The following ADAMTS15 variants were observed in gnomAD, a reference collection of about 807,000 sequenced individuals.
ADAMTS15 encodes the protein A disintegrin and metalloproteinase with thrombospondin motifs 15.
Under a neutral mutation model 79.1 loss-of-function variants are expected in ADAMTS15, and 35 were observed. The ratio of observed to expected loss-of-function variants is 0.44; its 90% confidence interval spans 0.34 to 0.59. The LOEUF is 0.59. Among genes scored for constraint, ADAMTS15 ranks in the 20% least tolerant of loss-of-function variants. The pLI is 0.02. For synonymous variants in ADAMTS15, 616 were observed against 567.3 expected (o/e 1.09, Z -1.22); for missense variants, 1,324 against 1,318.7 (o/e 1.00, Z -0.06).
chr11:130,473,663 C>G lies in ADAMTS15; in HGVS notation c.2695C>G (p.Leu899Val), dbSNP rs375061494. 5.9e-5 allele frequency: 94 copies of G among 1,605,846 alleles called. No homozygotes were observed. The highest frequency in any genetic ancestry group is 7.6e-5 in the Non-Finnish European group (90 of 1,179,902). The change falls in exon 8 of 8, where the codon CTC (leucine) becomes GTC (valine). Residue 899 changes from leucine (L) to valine (V), a missense_variant. Physicochemically the swap from Leu to Val is conservative, Grantham distance 32 (BLOSUM62 1). Transcript: ENST00000299164. ...CGGGGAGCCCTGCCCCACCTGGGAG[C>G]TCAGCGCCTGGTCACCCTGCTCCAA... is the stretch of plus-strand genomic sequence containing the variant. ...ACGEPCPTWE[L>V]SAWSPCSKSC...
At chr11:130,452,164 A>G (rs759392066) in intron 1 of ADAMTS15, among the ~76,000 whole-genome samples, 1 of 152,180 alleles carries the variant, frequency 6.6e-6, no homozygotes, top group African/African-American at 2.4e-5. Flanking sequence ...TGAGAACAGG[A>G]GGGAGTAGCT....
intron 4 of ADAMTS15, among the ~76,000 whole-genome samples, chr11:130,466,163 G>A (rs955891008): frequency 6.6e-6 from 1 of 152,174 alleles, no homozygotes; most frequent in African/African-American, 2.4e-5. Context: ...GTGAGCCACC[G>A]CGCCCGGCCT....
At chr11:130,459,258 G>C (rs1051272547) in intron 1 of ADAMTS15, among the ~76,000 whole-genome samples, 5 of 152,108 alleles carry the variant, frequency 3.3e-5, no homozygotes, top group Non-Finnish European at 7.3e-5. Flanking sequence ...TACTAGGGAG[G>C]CTGAGGCAGG....
At chr11:130,452,104 C>T (rs546993500) in intron 1 of ADAMTS15, among the ~76,000 whole-genome samples, 1 of 151,406 alleles carries the variant, frequency 6.6e-6, no homozygotes, top group Admixed American at 6.6e-5. Flanking sequence ...TTCTGAGAGT[C>T]TCAGGATCTT....
chr11:130,461,446 T>C, intron 1 of ADAMTS15, 43 bp from the exon 2 acceptor site: 1 of 1,613,320 alleles, frequency 6.2e-7, no homozygotes, highest in Non-Finnish European at 8.5e-7. Context: ...TCTGTCACTG[T>C]CTCTAACTTC....
intron 1 of ADAMTS15, chr11:130,450,444 G>T: frequency 1.0e-6 from 1 of 985,374 alleles, no homozygotes; most frequent in Non-Finnish European, 1.2e-6. Context: ...TCTCTGTACT[G>T]GGCCTGGAAA....
At chr11:130,460,990 C>T (rs1288586339) in intron 1 of ADAMTS15, among the ~76,000 whole-genome samples, 1 of 152,198 alleles carries the variant, frequency 6.6e-6, no homozygotes, top group Non-Finnish European at 1.5e-5. Context: ...GGTCCTTGGC[C>T]AGCAGCCCTC....
rs145936737 is a variant in ADAMTS15, at chr11:130,473,518, G to A, written c.2550G>A (p.Pro850=). The change falls in exon 8 of 8, where the codon CCG becomes CCA. Residue 850 remains proline, a synonymous_variant. Coordinates refer to ENST00000299164, the MANE Select transcript of ADAMTS15 (RefSeq NM_139055.4). ...GCTGGGTGGCTGGCAGCTGGGGGCC[G>A]TGCTCCGCGAGCTGCGGCAGTGGCC... ...PARWVAGSWG[P]CSASCGSGLQ... 26 of 1,608,734 alleles carry A rather than the reference G, an allele frequency of 1.6e-5. No homozygotes were observed. Among genetic ancestry groups the A allele is most frequent in the African/African-American group, 4.0e-5 (3 of 74,866 alleles).
In ADAMTS15 at chr11:130,473,757, G is replaced by A. The variant is rs756601932; in HGVS notation, c.2789G>A (p.Arg930Gln). ...GGCCACGGAGGCCGGCTGCTGGCCC[G>A]GGACCAGTGCAACTTGCACCGCAAG... The part of the protein sequence containing the change: ...CVGHGGRLLA[R>Q]DQCNLHRKPQ... The change falls in exon 8 of 8, where the codon CGG becomes CAG. Residue 930 changes from arginine to glutamine, a missense_variant. Physicochemically the swap from Arg to Gln is conservative, Grantham distance 43. Coordinates refer to ENST00000299164, the MANE Select transcript of ADAMTS15 (RefSeq NM_139055.4). 6 of 1,599,120 alleles carry A rather than the reference G, an allele frequency of 3.8e-6. No homozygotes were observed. The highest frequency in any genetic ancestry group is 2.2e-5 in the East Asian group (1 of 44,868).
Position 130,473,028 on chromosome 11 carries a change from C to A in ADAMTS15, c.2079-19C>A, listed in dbSNP as rs752462694. 6.2e-7 allele frequency: 1 copy of A among 1,610,392 alleles called. No homozygotes were observed. Among genetic ancestry groups the A allele is most frequent in the Non-Finnish European group, 8.5e-7 (1 of 1,177,710 alleles). ...GTCCAGGCTTCTATCTGATGCACGG[C>A]CCCCCTTTCCCCCGCCAGGCATGGC... On this transcript the variant is annotated intron_variant, in intron 7 of 7. Transcript: ENST00000299164.
In ADAMTS15 at chr11:130,448,867, C is replaced by G. The variant is rs1266127401; in HGVS notation, c.-107C>G. The stretch of plus-strand genomic sequence containing the variant: ...TCCTTTCTGGGAACTGCCGGCTGTC[C>G]CGTAGCGTTGGCGGTTCCAGAGTGC... On this transcript the variant is annotated 5_prime_UTR_variant, in exon 1 of 8. Coordinates refer to ENST00000299164, the MANE Select transcript of ADAMTS15 (RefSeq NM_139055.4). 1.2e-6 allele frequency: 1 copy of G among 850,772 alleles called. No individual in the cohort carries two copies. Among genetic ancestry groups the G allele is most frequent in the Admixed American group, 3.5e-5 (1 of 28,510 alleles). 52.7% of individuals were successfully genotyped at this position (850,772 alleles called of 1,614,324 possible). A position where few individuals can be genotyped will look rare whatever the true frequency, so the allele number is the denominator to read the frequency against.
chr11:130,465,658 A>C (rs1168371681), intron 4 of ADAMTS15, among the ~76,000 whole-genome samples: 2 of 151,960 alleles, frequency 1.3e-5, no homozygotes, highest in Non-Finnish European at 2.9e-5. Flanking sequence ...AGGCTACCAA[A>C]TGGCCTGCAC....
intron 1 of ADAMTS15, 78 bp from the exon 2 acceptor site, chr11:130,461,411 T>A: frequency 6.3e-7 from 1 of 1,598,484 alleles, no homozygotes; most frequent in Admixed American, 1.7e-5. Flanking sequence ...TCCTATAGGA[T>A]GTCCTTTCTT....
Position 130,474,056 on chromosome 11 carries a change from T to G in ADAMTS15, c.*235T>G. The stretch of plus-strand genomic sequence containing the variant: ...CTCAGGCCCCGCTCCTCGGGCCGGT[T>G]GCGGGGAGAGGCTTTGAGGTGCAGG... On this transcript the variant is annotated 3_prime_UTR_variant, in exon 8 of 8. Transcript: ENST00000299164. 1 of 545,972 alleles carries G rather than the reference T, an allele frequency of 1.8e-6. No individual in the cohort carries two copies. The highest frequency in any genetic ancestry group is 3.1e-6 in the Non-Finnish European group (1 of 325,714). 33.8% of individuals were successfully genotyped at this position (545,972 alleles called of 1,614,324 possible).
In ADAMTS15 at chr11:130,449,262, G is replaced by C. The variant is rs778006193; in HGVS notation, c.289G>C (p.Asp97His). ...PLQGLTGGSSDLRRCFYSGDV... is the reference protein window; with the variant it reads ...PLQGLTGGSSHLRRCFYSGDV... ...CCAGGGGCTCACCGGGGGCTCTTCA[G>C]ACCTGCGACGCTGCTTCTATTCTGG... The change falls in exon 1 of 8, where the codon GAC becomes CAC. Residue 97 changes from aspartate to histidine, a missense_variant. Asp to His is a moderately conservative substitution (Grantham distance 81, BLOSUM62 -1). Coordinates refer to ENST00000299164, the MANE Select transcript of ADAMTS15 (RefSeq NM_139055.4). The surrounding 1 kb of genome is among the most constrained non-coding windows in gnomAD (Gnocchi z 7.8). 17 of 1,613,040 alleles carry C rather than the reference G, an allele frequency of 1.1e-5. No individual in the cohort carries two copies. The East Asian group carries it at 3.8e-4, about 36-fold the overall frequency.
At chr11:130,471,508 G>A in intron 7 of ADAMTS15, 125 bp downstream of exon 7, 1 of 1,056,644 alleles carries the variant, frequency 9.5e-7, no homozygotes, top group Non-Finnish European at 1.3e-6. Flanking sequence ...TTGCTGCAGA[G>A]GCCACCCATA....
intron 1 of ADAMTS15, among the ~76,000 whole-genome samples, chr11:130,460,941 C>T (rs550073201): frequency 2.0e-5 from 3 of 152,346 alleles, no homozygotes; most frequent in African/African-American, 4.8e-5. Context: ...CTGGGGTCCA[C>T]CTCAATGCTT....
In ADAMTS15 at chr11:130,473,866, T is replaced by C. The variant is rs756477486; in HGVS notation, c.*45T>C. ...CCCCTCACTCTCCACCCCACTGATA[T>C]GCCAGCGTTCTGCCAGCTGGAGTAG... On this transcript the variant is annotated 3_prime_UTR_variant, in exon 8 of 8. Coordinates refer to ENST00000299164, the MANE Select transcript of ADAMTS15 (RefSeq NM_139055.4). The C allele has an allele frequency of 6.7e-5, 103 of 1,533,082 alleles. No individual in the cohort carries two copies. In the Admixed American group the frequency reaches 1.8e-3, roughly 27 times the overall value. The allele number at this position is 1,533,082 out of a possible 1,614,324, so 95.0% of individuals were successfully genotyped here.
Position 130,462,003 on chromosome 11 carries a change from C to A in ADAMTS15, c.1091-84C>A. ...CCAGCCTGAAAACCTCTGACATGGG[C>A]TTTCTAGTTCCCCTGCCCCATTCCT... is the stretch of plus-strand genomic sequence containing the variant. On this transcript the variant is annotated intron_variant, in intron 2 of 7. Transcript: ENST00000299164. The surrounding 1 kb of genome is among the most constrained non-coding windows in gnomAD (Gnocchi z 4.3). 2 of 1,445,288 alleles carry A rather than the reference C, an allele frequency of 1.4e-6. No homozygotes were observed. Among genetic ancestry groups the A allele is most frequent in the East Asian group, 2.3e-5 (1 of 43,610 alleles). 89.5% of individuals were successfully genotyped at this position (1,445,288 alleles called of 1,614,324 possible). A position where few individuals can be genotyped will look rare whatever the true frequency, so the allele number is the denominator to read the frequency against.
Sources: allele counts gnomAD v4.1 joint callset (sites outside exome capture counted in the v4.1 genomes callset), GRCh38; gene constraint gnomAD v4.1.1; non-coding constraint Gnocchi (gnomAD v3.1); transcripts MANE v1.5; gene names NCBI Gene and HGNC (gene_info 2026-07-23, HGNC 2026-07-21).